The following ANO6 variants were observed in gnomAD, a reference collection of about 807,000 sequenced individuals.
ANO6 encodes the protein anoctamin-6.
Under a neutral mutation model 117.5 loss-of-function variants are expected in ANO6, and 106 were observed. The ratio of observed to expected loss-of-function variants is 0.90; its 90% CI spans 0.77 to 1.06. ANO6 has a LOEUF of 1.06. Among genes scored for constraint, ANO6 ranks in the 50% least tolerant of loss-of-function variants. The pLI is 0.00. For missense variants in ANO6, 955 were observed against 1,121.1 expected (o/e 0.85, Z 2.12); for synonymous variants, 367 against 385.1 (o/e 0.95, Z 0.55).
chr12:45,334,153 A>G (rs1165986716), intron 3 of ANO6, among the ~76,000 whole-genome samples: 2 of 152,014 alleles, frequency 1.3e-5, no homozygotes, highest in African/African-American at 2.4e-5. Flanking sequence ...AAAAGCATAA[A>G]CCATTTACAT....
intron 15 of ANO6, among the ~76,000 whole-genome samples, chr12:45,407,764 C>T (rs1420073364): frequency 3.3e-5 from 5 of 152,122 alleles, no homozygotes; most frequent in East Asian, 1.9e-4. Flanking sequence ...GTGCTACATC[C>T]GTTACCTATT....
At chr12:45,390,275 C>G (rs1325432896) in intron 11 of ANO6, 146 bp from the exon 12 acceptor site, 7 of 714,398 alleles carry the variant, frequency 9.8e-6, no homozygotes, top group Non-Finnish European at 1.7e-5. Context: ...AAATTGTTAA[C>G]AAAAAAGTGC....
chr12:45,302,436 T>A (rs2137308290), intron 2 of ANO6, among the ~76,000 whole-genome samples: 1 of 152,288 alleles, frequency 6.6e-6, no homozygotes, highest in South Asian at 2.1e-4. Flanking sequence ...TGGAAAGCAG[T>A]CTTTAAGCAT....
chr12:45,350,957 C>G (rs1346047223), intron 7 of ANO6, among the ~76,000 whole-genome samples, 183 bp downstream of exon 7: 1 of 152,152 alleles, frequency 6.6e-6, no homozygotes, highest in Non-Finnish European at 1.5e-5. Context: ...TGAATCATTA[C>G]CCATCTCCAG....
In ANO6 at chr12:45,387,764, C is replaced by T. The variant is rs140912907; in HGVS notation, c.1166-397C>T. On this transcript the variant is annotated intron_variant, in intron 10 of 19. Coordinates refer to ENST00000320560, the MANE Select transcript of ANO6 (RefSeq NM_001025356.3). ...CAAATCTCATGTCGAATTATAATCC[C>T]CATGTGTCAGGGGAGGGGCCTGGTG... 6.2e-3 allele frequency among the ~76,000 whole-genome samples: 941 copies of T among 152,180 alleles called. 15 individuals carry two copies. The highest frequency in any genetic ancestry group is 0.021 in the African/African-American group (880 of 41,512).
chr12:45,285,163 G>A (rs1157062694), intron 1 of ANO6, among the ~76,000 whole-genome samples: 1 of 152,144 alleles, frequency 6.6e-6, no homozygotes, highest in African/African-American at 2.4e-5. Flanking sequence ...AGTCCAGGTT[G>A]GGATTCTAGA....
intron 1 of ANO6, among the ~76,000 whole-genome samples, chr12:45,245,960 A>AAAAC (rs1555160117): frequency 6.6e-6 from 1 of 151,238 alleles, no homozygotes. Flanking sequence ...AAAAAAAAAA[A>AAAAC]CCCAAGAACA....
intron 16 of ANO6, among the ~76,000 whole-genome samples, chr12:45,409,946 G>C (rs1943043967): frequency 1.3e-5 from 2 of 152,114 alleles, no homozygotes; most frequent in Admixed American, 1.3e-4. Flanking sequence ...AGTACTGACA[G>C]GGTTTCACCA....
chr12:45,369,566 C>T (rs1941770879), intron 9 of ANO6, among the ~76,000 whole-genome samples: 1 of 150,752 alleles, frequency 6.6e-6, no homozygotes, highest in South Asian at 2.1e-4. Flanking sequence ...TGAGTCTTGT[C>T]AGAATGATTT....
At position 45,390,473 on chromosome 12, in the gene ANO6, T is replaced by C. The variant is rs1248193630; in HGVS notation, c.1361T>C (p.Leu454Pro). ...TGGGGAAAATGTATACGGATAACCC[T>C]CTGTGCCAGTGCTGTCTTTTTCTGG... The part of the protein sequence containing the change: ...TAWGKCIRIT[L>P]CASAVFFWIL... The change falls in exon 12 of 20, where the codon CTC (leucine) becomes CCC (proline). Residue 454 changes from leucine to proline, a missense_variant. By Grantham distance (98) the Leu-to-Pro change is moderately conservative. Coordinates refer to ENST00000320560, the MANE Select transcript of ANO6 (RefSeq NM_001025356.3). 6.2e-7 allele frequency: 1 copy of C among 1,613,740 alleles called. No homozygotes were observed. The highest frequency in any genetic ancestry group is 8.5e-7 in the Non-Finnish European group (1 of 1,179,866).
intron 1 of ANO6, among the ~76,000 whole-genome samples, chr12:45,298,234 G>A (rs1297486221): frequency 6.6e-6 from 1 of 152,200 alleles, no homozygotes; most frequent in Non-Finnish European, 1.5e-5. Flanking sequence ...TGATGCCACT[G>A]AAGATAGTAC....
chr12:45,362,197 A>C (rs1941573821), intron 8 of ANO6, among the ~76,000 whole-genome samples: 1 of 151,752 alleles, frequency 6.6e-6, no homozygotes, highest in Non-Finnish European at 1.5e-5. Context: ...CAAGTTTTCT[A>C]TTTTTGCTTG....
rs1565674847 is a variant in ANO6 at position 45,301,996 on chromosome 12, A to T, written c.71-18A>T. The T allele has an allele frequency of 6.2e-7, 1 of 1,609,696 alleles. No homozygotes were observed. The highest frequency in any genetic ancestry group is 2.2e-5 in the East Asian group (1 of 44,848). ...GCAGGTTCATGCTTCATTTGTTTAT[A>T]TATTCATTCGTTTTTAGTGTTGGAA... On this transcript the variant is annotated intron_variant, in intron 1 of 19. Transcript: ENST00000320560.
At chr12:45,265,115 T>G (rs1938171613) in intron 1 of ANO6, among the ~76,000 whole-genome samples, 1 of 152,228 alleles carries the variant, frequency 6.6e-6, no homozygotes, top group African/African-American at 2.4e-5. Context: ...ATGGTTTTCC[T>G]GGATTTATAG....
intron 2 of ANO6, among the ~76,000 whole-genome samples, chr12:45,319,823 ACTT>A (rs1388525564): frequency 7.9e-5 from 12 of 152,162 alleles, no homozygotes; most frequent in Non-Finnish European, 1.2e-4. Flanking sequence ...GAGCGATTCA[ACTT>A]CTTCCTGGTT....
chr12:45,347,114 C>T lies in ANO6; in HGVS notation c.345+27C>T, dbSNP rs375891313. 117 of 1,608,786 alleles carry T rather than the reference C, an allele frequency of 7.3e-5. 2 individuals carry two copies. In the South Asian group the frequency reaches 8.1e-4, roughly 11 times the overall value. On this transcript the variant is annotated intron_variant, in intron 4 of 19. Transcript: ENST00000320560. ...TAAGTACTGGTCCCTTTTCAGCCCTCGGCTGACCACTGTTCTCGGGCAGCT... is the reference window on the plus strand; with the variant it reads ...TAAGTACTGGTCCCTTTTCAGCCCTTGGCTGACCACTGTTCTCGGGCAGCT...
At chr12:45,412,808 AGCTCAGC>A (rs1216386903) in intron 16 of ANO6, among the ~76,000 whole-genome samples, 1 of 152,174 alleles carries the variant, frequency 6.6e-6, no homozygotes, top group Non-Finnish European at 1.5e-5. Context: ...CCCCTCACGG[AGCTCAGC>A]GCTTGGTGCA....
rs150299144 is a variant in ANO6, at chr12:45,388,261, C to T, written c.1266C>T (p.Tyr422=). ...LQQEEQARPE[Y]EARCTHVVIN... ...AGGAAGAACAAGCCCGACCAGAATA[C>T]GAAGCACGATGTACTCACGTAGTGA... The change falls in exon 11 of 20, where the codon TAC becomes TAT. Residue 422 remains tyrosine, a synonymous_variant. Coordinates refer to ENST00000320560, the MANE Select transcript of ANO6 (RefSeq NM_001025356.3). 1.5e-4 allele frequency: 238 copies of T among 1,614,028 alleles called. No homozygotes were observed. Among genetic ancestry groups the T allele is most frequent in the Middle Eastern group, 8.3e-4 (5 of 6,060 alleles).
At chr12:45,425,093 A>G (rs973015302) in intron 19 of ANO6, among the ~76,000 whole-genome samples, 2 of 152,218 alleles carry the variant, frequency 1.3e-5, no homozygotes, top group African/African-American at 4.8e-5. Flanking sequence ...GGTAGAATTT[A>G]AAAAGCAAGA....
Sources: allele counts gnomAD v4.1 joint callset (sites outside exome capture counted in the v4.1 genomes callset), GRCh38; gene constraint gnomAD v4.1.1; transcripts MANE v1.5; gene names NCBI Gene and HGNC (gene_info 2026-07-23, HGNC 2026-07-21).